CYTH1: variants seen among roughly 807,000 people sequenced by gnomAD.
The protein encoded by CYTH1 is cytohesin 1, also known as cytohesin-1.
Under a neutral mutation model 61.8 loss-of-function variants are expected in CYTH1, and 18 were observed. The observed-to-expected ratio is 0.29, with a 90% confidence interval of 0.20 to 0.43. CYTH1 has a LOEUF of 0.43. CYTH1 is among the 20% of genes least tolerant of loss of function. The pLI is 1.00. For missense variants in CYTH1, 336 were observed against 510.5 expected (o/e 0.66, Z 3.29); for synonymous variants, 174 against 184.3 (o/e 0.94, Z 0.45).
At chr17:78,743,054 T>G (rs2093347309) in intron 1 of CYTH1, among the ~76,000 whole-genome samples, 1 of 152,156 alleles carries the variant, frequency 6.6e-6, no homozygotes, top group African/African-American at 2.4e-5. Context: ...GTGAGTTACT[T>G]AAAAGTATTC....
intron 3 of CYTH1, 125 bp downstream of exon 3, chr17:78,708,072 C>T: frequency 1.1e-6 from 1 of 930,546 alleles, no homozygotes. Flanking sequence ...TGTGTATGTG[C>T]TTGCTAGAAT....
intron 1 of CYTH1, among the ~76,000 whole-genome samples, chr17:78,756,002 T>C (rs975508497): frequency 5.3e-5 from 8 of 151,918 alleles, no homozygotes; most frequent in African/African-American, 1.7e-4. Context: ...TTTATTGTGA[T>C]AGTGGTTTCA....
At chr17:78,688,297 T>C (rs892205002) in intron 11 of CYTH1, among the ~76,000 whole-genome samples, 2 of 152,212 alleles carry the variant, frequency 1.3e-5, no homozygotes, top group Non-Finnish European at 2.9e-5. Flanking sequence ...GGTTGGCAAC[T>C]AAAGCACACA....
chr17:78,713,128 C>T (rs73389812), intron 1 of CYTH1, among the ~76,000 whole-genome samples: 1,564 of 151,790 alleles, frequency 0.01, 23 homozygotes, highest in African/African-American at 0.037. Flanking sequence ...AGGAAAAAGT[C>T]AGACAAATAA....
At chr17:78,682,398 C>G (rs1050341515) in intron 11 of CYTH1, among the ~76,000 whole-genome samples, 5 of 152,186 alleles carry the variant, frequency 3.3e-5, no homozygotes, top group Non-Finnish European at 7.3e-5. Context: ...CTTCCTGGAG[C>G]CTCTGAAACC....
chr17:78,739,634 G>A (rs2093334369), intron 1 of CYTH1, among the ~76,000 whole-genome samples: 1 of 152,158 alleles, frequency 6.6e-6, no homozygotes, highest in African/African-American at 2.4e-5. Context: ...CATAGCTGCT[G>A]CCAGGGTTCT....
chr17:78,703,486 T>C (rs1038604092), intron 3 of CYTH1, among the ~76,000 whole-genome samples: 3 of 151,974 alleles, frequency 2.0e-5, no homozygotes, highest in Non-Finnish European at 2.9e-5. Context: ...GGTACATATT[T>C]GAATTTTTAG....
At chr17:78,703,507 A>C (rs934645909) in intron 3 of CYTH1, among the ~76,000 whole-genome samples, 2 of 152,030 alleles carry the variant, frequency 1.3e-5, no homozygotes, top group Non-Finnish European at 2.9e-5. Flanking sequence ...TATACTTACT[A>C]AGTTGTGCAA....
At chr17:78,709,822 A>C in intron 1 of CYTH1, 90 bp from the exon 2 acceptor site, 11 of 1,171,550 alleles carry the variant, frequency 9.4e-6, no homozygotes, top group African/African-American at 1.5e-5. Context: ...GAAAGATATC[A>C]AGAAAGAAAC....
intron 1 of CYTH1, among the ~76,000 whole-genome samples, chr17:78,731,625 G>A (rs2093294574): frequency 6.6e-6 from 1 of 151,886 alleles, no homozygotes; most frequent in Non-Finnish European, 1.5e-5. Context: ...GGGAGTGGTG[G>A]CGGGCGCCTG....
At chr17:78,719,458 A>G (rs1201615713) in intron 1 of CYTH1, among the ~76,000 whole-genome samples, 2 of 152,240 alleles carry the variant, frequency 1.3e-5, no homozygotes, top group Non-Finnish European at 2.9e-5. Flanking sequence ...AGTCAAAGAT[A>G]AAGTTCTTAC....
chr17:78,769,317 T>C (rs2093461392), intron 1 of CYTH1, among the ~76,000 whole-genome samples: 2 of 151,836 alleles, frequency 1.3e-5, no homozygotes, highest in African/African-American at 4.8e-5. Flanking sequence ...CACAGCCTAC[T>C]CTCCAGGCAC....
At chr17:78,692,290 T>G (rs1436451082) in intron 11 of CYTH1, 127 bp downstream of exon 11, 4 of 964,642 alleles carry the variant, frequency 4.1e-6, no homozygotes, top group Non-Finnish European at 6.6e-6. Flanking sequence ...TTGCTTAAAC[T>G]CTCCCCCATC....
In CYTH1 at chr17:78,748,858, G is replaced by A. The variant is rs190284352; in HGVS notation, c.22+33344C>T. On this transcript the variant is annotated intron_variant, in intron 1 of 13. Coordinates refer to ENST00000446868, the MANE Select transcript of CYTH1 (RefSeq NM_004762.6). ...ACTAATTATATATCACCCCTTCCTTGCAAAACCACAAGACCAAATGTTACA... is the reference window on the plus strand; with the variant it reads ...ACTAATTATATATCACCCCTTCCTTACAAAACCACAAGACCAAATGTTACA... Among the ~76,000 whole-genome samples, 158 of 152,098 alleles carry A rather than the reference G, an allele frequency of 1.0e-3. 1 individual carries two copies. Among genetic ancestry groups the A allele is most frequent in the African/African-American group, 3.6e-3 (151 of 41,490 alleles).
intron 3 of CYTH1, among the ~76,000 whole-genome samples, chr17:78,705,184 A>T (rs1490010302): frequency 6.6e-6 from 1 of 152,150 alleles, no homozygotes; most frequent in Non-Finnish European, 1.5e-5. Flanking sequence ...CCTGGGCCTC[A>T]GTCCAGTCCT....
chr17:78,747,614 T>C (rs1018833447), intron 1 of CYTH1, among the ~76,000 whole-genome samples: 1 of 152,014 alleles, frequency 6.6e-6, no homozygotes, highest in African/African-American at 2.4e-5. Context: ...CAACCACTAA[T>C]CTACTTTCTG....
chr17:78,737,705 G>C (rs541377252), intron 1 of CYTH1, among the ~76,000 whole-genome samples: 2 of 151,668 alleles, frequency 1.3e-5, no homozygotes, highest in East Asian at 3.9e-4. Context: ...TGCCTGCACA[G>C]TCCTATCATG....
At position 78,700,851 on chromosome 17, in the gene CYTH1, G is replaced by C. The variant is rs1454584647; in HGVS notation, c.438-408C>G. On this transcript the variant is annotated intron_variant, in intron 6 of 13. Transcript: ENST00000446868. The surrounding 1 kb of genome is among the most constrained non-coding windows in gnomAD (Gnocchi z 5.1). ...CTGCCAATGATTTTTTAACATCAAA[G>C]TGCAAAGGGAACCCTGCTGGGCTGC... Among the ~76,000 whole-genome samples the C allele has an allele frequency of 6.6e-6, 1 of 152,238 alleles. No individual in the cohort carries two copies. Among genetic ancestry groups the C allele is most frequent in the African/African-American group, 2.4e-5 (1 of 41,548 alleles).
chr17:78,771,234 C>A (rs982449554), intron 1 of CYTH1, among the ~76,000 whole-genome samples: 1 of 151,882 alleles, frequency 6.6e-6, no homozygotes, highest in African/African-American at 2.4e-5. Flanking sequence ...TGCATGCCAG[C>A]CTGGGCAATA....
Sources: gnomAD v4.1 joint callset for allele counts (sites outside exome capture counted in the v4.1 genomes callset) on GRCh38, gnomAD v4.1.1 for gene constraint, Gnocchi (gnomAD v3.1) non-coding constraint, MANE v1.5 for transcripts, NCBI Gene and HGNC (gene_info 2026-07-23, HGNC 2026-07-21) for gene names.